Variants in HSPBAP1 observed in about 807,000 individuals in gnomAD.
HSPBAP1 encodes the protein HSPB1 associated protein 1.
A neutral mutation model predicts 45.2 loss-of-function variants in HSPBAP1; 27 were observed. The observed-to-expected ratio is 0.60, with a 90% CI of 0.44 to 0.82. HSPBAP1 has a LOEUF of 0.82. HSPBAP1 is among the 40% of genes least tolerant of loss of function. HSPBAP1 has a pLI of 0.00. For missense variants in HSPBAP1, 510 were observed against 590.9 expected, an observed-to-expected ratio of 0.86 and a Z score of 1.42; for synonymous variants, 204 against 202.7, an observed-to-expected ratio of 1.01 and a Z score of -0.06.
rs1419910891 is a variant in HSPBAP1, at chr3:122,793,708, AC to A, written c.-29del. ...CTACCGCAAGGCGGGTTCTGCCGGAACCCAAGGCGGAGCGGAGCTGGGGTGG... is the reference window on the plus strand; with the variant it reads ...CTACCGCAAGGCGGGTTCTGCCGGAACCAAGGCGGAGCGGAGCTGGGGTGG... On this transcript the variant is annotated 5_prime_UTR_variant, in exon 1 of 8. Transcript: ENST00000306103. The A allele has an allele frequency of 1.2e-6, 2 of 1,611,770 alleles. No homozygotes were observed. The highest frequency in any genetic ancestry group is 4.5e-5 in the East Asian group (2 of 44,864).
intron 2 of HSPBAP1, among the ~76,000 whole-genome samples, chr3:122,772,640 G>A (rs1576262003): frequency 6.6e-6 from 1 of 151,468 alleles, no homozygotes; most frequent in East Asian, 1.9e-4. Flanking sequence ...GAAATGGATA[G>A]TTAAATGTAA....
At position 122,755,166 on chromosome 3, in the gene HSPBAP1, T is replaced by C. The variant is rs1934300786; in HGVS notation, c.741+94A>G. 1.7e-5 allele frequency: 21 copies of C among 1,245,898 alleles called. 1 individual carries two copies. The South Asian group carries it at 4.9e-4, about 29-fold the overall frequency. The allele number at this position is 1,245,898 out of a possible 1,614,324, so 77.2% of individuals were successfully genotyped here. ...GGAAGGAAGCCATTCTCATTTGCACTGCGCAGGGAGGGGAAGCACACAGCA... is the reference window on the plus strand; with the variant it reads ...GGAAGGAAGCCATTCTCATTTGCACCGCGCAGGGAGGGGAAGCACACAGCA... On this transcript the variant is annotated intron_variant, in intron 5 of 7. Transcript: ENST00000306103.
intron 2 of HSPBAP1, among the ~76,000 whole-genome samples, chr3:122,775,151 A>C (rs1294885827): frequency 6.6e-6 from 1 of 152,106 alleles, no homozygotes; most frequent in African/African-American, 2.4e-5. Flanking sequence ...AAATTAATAT[A>C]ACTTTATTTT....
chr3:122,748,212 C>T (rs1933987508), intron 6 of HSPBAP1, among the ~76,000 whole-genome samples: 1 of 152,074 alleles, frequency 6.6e-6, no homozygotes, highest in Non-Finnish European at 1.5e-5. Flanking sequence ...TCACCACTCC[C>T]TAATCTCAAG....
chr3:122,761,622 T>TA (rs1350722041), intron 3 of HSPBAP1: 1 of 150,552 alleles, frequency 6.6e-6, no homozygotes, highest in Non-Finnish European at 1.5e-5. Flanking sequence ...AAGGTTTTTT[T>TA]TTTTTTTTTA....
intron 1 of HSPBAP1, among the ~76,000 whole-genome samples, chr3:122,785,963 T>C (rs1043790714): frequency 4.6e-5 from 7 of 152,114 alleles, no homozygotes; most frequent in African/African-American, 1.7e-4. Flanking sequence ...TTTGCCCTCA[T>C]CCTTTTCTAT....
At chr3:122,765,834 G>A (rs1035215109) in intron 3 of HSPBAP1, among the ~76,000 whole-genome samples, 3 of 152,290 alleles carry the variant, frequency 2.0e-5, no homozygotes, top group Non-Finnish European at 4.4e-5. Context: ...GATTTTATAA[G>A]AGTAGAGAGT....
At chr3:122,756,117 A>G (rs1291617638) in intron 4 of HSPBAP1, among the ~76,000 whole-genome samples, 1 of 152,192 alleles carries the variant, frequency 6.6e-6, no homozygotes, top group African/African-American at 2.4e-5. Flanking sequence ...TCTGAGGCAA[A>G]AGCGAGAGAA....
At chr3:122,790,481 C>T (rs142207162) in intron 1 of HSPBAP1, among the ~76,000 whole-genome samples, 153 of 152,274 alleles carry the variant, frequency 1.0e-3, no homozygotes, top group South Asian at 3.9e-3. Context: ...TAATGTGTAT[C>T]ATATTGAGTA....
intron 2 of HSPBAP1, among the ~76,000 whole-genome samples, chr3:122,774,034 C>T (rs1398849539): frequency 6.6e-6 from 1 of 152,230 alleles, no homozygotes; most frequent in Non-Finnish European, 1.5e-5. Flanking sequence ...AAACCGCCTT[C>T]GTGCAAAGCC....
At chr3:122,785,767 A>G (rs1333948018) in intron 1 of HSPBAP1, among the ~76,000 whole-genome samples, 1 of 152,134 alleles carries the variant, frequency 6.6e-6, no homozygotes, top group Non-Finnish European at 1.5e-5. Context: ...CTTCCTTACT[A>G]AAGAACTTTG....
At chr3:122,741,912 A>G (rs973885624) in intron 6 of HSPBAP1, 2 of 152,206 alleles carry the variant, frequency 1.3e-5, no homozygotes, top group South Asian at 2.1e-4. Flanking sequence ...AGTCTTATAC[A>G]CTAATGGGAA....
chr3:122,753,896 G>GT, intron 5 of HSPBAP1: 1 of 985,074 alleles, frequency 1.0e-6, no homozygotes, highest in South Asian at 4.7e-5. Flanking sequence ...ACTCAAATTT[G>GT]GCTATTAAAC....
intron 6 of HSPBAP1, among the ~76,000 whole-genome samples, chr3:122,747,100 C>G (rs1399004798): frequency 6.6e-6 from 1 of 152,098 alleles, no homozygotes; most frequent in Non-Finnish European, 1.5e-5. Flanking sequence ...AGGAGCATCT[C>G]TGCCTGGCCG....
chr3:122,752,756 T>C, intron 5 of HSPBAP1, 82 bp from the exon 6 acceptor site: 1 of 1,425,000 alleles, frequency 7.0e-7, no homozygotes, highest in Non-Finnish European at 9.4e-7. Flanking sequence ...TTGAGGCTGC[T>C]AGGAAAAAAA....
chr3:122,755,570 C>T lies in HSPBAP1; in HGVS notation c.570-139G>A, dbSNP rs185707576. The T allele has an allele frequency of 2.3e-3, 1,305 of 563,030 alleles. 17 individuals carry two copies. The highest frequency in any genetic ancestry group is 2.0e-3 in the Middle Eastern group (4 of 2,010). The allele number at this position is 563,030 out of a possible 1,614,324, so 34.9% of individuals were successfully genotyped here. On this transcript the variant is annotated intron_variant, in intron 4 of 7. Transcript: ENST00000306103. ...GGAATATAGGCACCATCAGTGGTCACCTGTCCATCTCTGACTCAGCGCTAG... is the reference window on the plus strand; with the variant it reads ...GGAATATAGGCACCATCAGTGGTCATCTGTCCATCTCTGACTCAGCGCTAG...
At chr3:122,747,180 C>T (rs1416784067) in intron 6 of HSPBAP1, among the ~76,000 whole-genome samples, 1 of 151,704 alleles carries the variant, frequency 6.6e-6, no homozygotes, top group African/African-American at 2.4e-5. Context: ...GCATCTCTGC[C>T]CGGCCGCCAT....
chr3:122,764,729 T>A (rs1324369453), intron 3 of HSPBAP1, among the ~76,000 whole-genome samples: 1 of 152,318 alleles, frequency 6.6e-6, no homozygotes, highest in Non-Finnish European at 1.5e-5. Context: ...TTTGTGACAG[T>A]ACAAAACAAA....
chr3:122,784,384 C>T (rs1170379482), intron 1 of HSPBAP1, among the ~76,000 whole-genome samples: 1 of 152,194 alleles, frequency 6.6e-6, no homozygotes, highest in Non-Finnish European at 1.5e-5. Context: ...ACAGCATACA[C>T]ATACACACAC....
Sources: gnomAD v4.1 joint callset for allele counts (sites outside exome capture counted in the v4.1 genomes callset) on GRCh38, gnomAD v4.1.1 for gene constraint, MANE v1.5 for transcripts, NCBI Gene and HGNC (gene_info 2026-07-23, HGNC 2026-07-21) for gene names.